Variants in NAV2 observed in about 807,000 individuals in gnomAD.
The protein encoded by NAV2 is neuron navigator 2.
A neutral mutation model predicts 223.2 loss-of-function variants in NAV2; 54 were observed. The observed-to-expected ratio is 0.24, with a 90% CI of 0.19 to 0.30. The LOEUF (loss-of-function observed/expected upper bound fraction) is 0.30. Ranked by LOEUF, NAV2 falls within the 10% of genes least tolerant of loss-of-function variation. The pLI is 1.00. For missense variants in NAV2, 2,806 were observed against 3,147.5 expected, an observed-to-expected ratio of 0.89 and a Z score of 2.60; for synonymous variants, 1,279 against 1,239.3, an observed-to-expected ratio of 1.03 and a Z score of -0.67.
intron 1 of NAV2, among the ~76,000 whole-genome samples, chr11:19,466,686 G>C (rs1852362613): frequency 6.6e-6 from 1 of 152,210 alleles, no homozygotes; most frequent in Non-Finnish European, 1.5e-5. Context: ...GATGAACCCA[G>C]AGGAGTCTGT....
At chr11:19,607,813 A>G (rs2046523196) in intron 1 of NAV2, among the ~76,000 whole-genome samples, 1 of 152,184 alleles carries the variant, frequency 6.6e-6, no homozygotes, top group Non-Finnish European at 1.5e-5. Context: ...GAAAAGGTAC[A>G]TCATGTCCTT....
chr11:20,037,969 G>T (rs550706917), intron 12 of NAV2, among the ~76,000 whole-genome samples: 6 of 152,034 alleles, frequency 3.9e-5, no homozygotes, highest in Non-Finnish European at 7.4e-5. Context: ...GCTATTAGAG[G>T]TACTGCAGAG....
intron 26 of NAV2, among the ~76,000 whole-genome samples, chr11:20,084,331 C>T (rs1030022528): frequency 3.3e-5 from 5 of 152,206 alleles, no homozygotes; most frequent in Non-Finnish European, 7.4e-5. Context: ...CTCCTGACCT[C>T]AGGTGATCCA....
chr11:19,449,591 G>A (rs1851714769), intron 1 of NAV2, among the ~76,000 whole-genome samples: 1 of 139,362 alleles, frequency 7.2e-6, no homozygotes, highest in Non-Finnish European at 1.6e-5. Flanking sequence ...TGAGAGCAAG[G>A]GAAGAATTCA....
intron 19 of NAV2, among the ~76,000 whole-genome samples, chr11:20,060,005 A>G (rs1185313381): frequency 6.6e-6 from 1 of 152,190 alleles, no homozygotes; most frequent in Non-Finnish European, 1.5e-5. Flanking sequence ...TCTCTTTGGA[A>G]CACAGCCTTG....
intron 1 of NAV2, among the ~76,000 whole-genome samples, chr11:19,719,645 C>T (rs566917306): frequency 1.3e-5 from 2 of 152,194 alleles, no homozygotes; most frequent in South Asian, 2.1e-4. Context: ...TCCAAGCTCA[C>T]GTTCTTTCCA....
At chr11:19,844,625 T>C (rs1399130738) in intron 3 of NAV2, among the ~76,000 whole-genome samples, 1 of 152,248 alleles carries the variant, frequency 6.6e-6, no homozygotes, top group African/African-American at 2.4e-5. Context: ...TTTTAGATTT[T>C]AGATTTTTAG....
intron 3 of NAV2, among the ~76,000 whole-genome samples, chr11:19,846,816 G>A (rs2060837500): frequency 6.6e-6 from 1 of 152,140 alleles, no homozygotes; most frequent in Non-Finnish European, 1.5e-5. Flanking sequence ...TAACCCAAAG[G>A]CAGAGAGGCA....
intron 6 of NAV2, among the ~76,000 whole-genome samples, chr11:19,895,885 C>G (rs1243276755): frequency 3.3e-5 from 5 of 152,066 alleles, no homozygotes; most frequent in African/African-American, 4.8e-5. Context: ...AGTGAAATAA[C>G]CACCCGGGTA....
intron 11 of NAV2, among the ~76,000 whole-genome samples, chr11:20,010,734 T>C (rs2153508574): frequency 6.6e-6 from 1 of 152,316 alleles, no homozygotes; most frequent in Non-Finnish European, 1.5e-5. Flanking sequence ...TGGTTATCTG[T>C]TTTATAGCAT....
intron 1 of NAV2, among the ~76,000 whole-genome samples, chr11:19,487,697 C>T (rs1466820976): frequency 6.6e-6 from 1 of 152,194 alleles, no homozygotes; most frequent in Non-Finnish European, 1.5e-5. Flanking sequence ...GGAACTGATT[C>T]ATGCCAACAA....
chr11:19,870,173 G>A (rs1029981245), intron 4 of NAV2, among the ~76,000 whole-genome samples: 1 of 152,170 alleles, frequency 6.6e-6, no homozygotes, highest in Non-Finnish European at 1.5e-5. Context: ...AATCCCAGAA[G>A]ATTCCCCAGC....
At chr11:19,687,474 C>G (rs1346432913) in intron 1 of NAV2, among the ~76,000 whole-genome samples, 34 of 152,214 alleles carry the variant, frequency 2.2e-4, no homozygotes. Flanking sequence ...CCATCCAGGT[C>G]AAGACATAGA....
chr11:19,347,889 G>T (rs1191637748), upstream of NAV2, among the ~76,000 whole-genome samples: 1 of 152,208 alleles, frequency 6.6e-6, no homozygotes, highest in Admixed American at 6.5e-5. Context: ...CTCTCTTGAA[G>T]TCCCCTCTGC....
At chr11:19,646,480 A>C (rs2047819521) in intron 1 of NAV2, among the ~76,000 whole-genome samples, 1 of 152,178 alleles carries the variant, frequency 6.6e-6, no homozygotes, top group African/African-American at 2.4e-5. Flanking sequence ...CTGGGCAGCC[A>C]CACATGGCTC....
At chr11:19,928,388 A>G (rs2044987125) in intron 6 of NAV2, among the ~76,000 whole-genome samples, 1 of 152,176 alleles carries the variant, frequency 6.6e-6, no homozygotes, top group Admixed American at 6.5e-5. Context: ...ACACAATCTC[A>G]TCCACTTCAG....
intron 1 of NAV2, among the ~76,000 whole-genome samples, chr11:19,727,983 C>T (rs986998077): frequency 1.3e-5 from 2 of 152,190 alleles, no homozygotes; most frequent in Admixed American, 1.3e-4. Context: ...ATTGAAACCA[C>T]CTGGAGGAAT....
chr11:19,397,419 G>GTGTGTGTGTGTGCA (rs1554919831), intron 1 of NAV2, among the ~76,000 whole-genome samples: 2 of 70,514 alleles, frequency 2.8e-5, no homozygotes, highest in Non-Finnish European at 5.8e-5. Context: ...GTGTGTGTGT[G>GTGTGTGTGTGTGCA]CGCGCATGTG....
At chr11:19,350,811 C>G in exon 1 of NAV2, 2 of 761,552 alleles carry the variant, frequency 2.6e-6, no homozygotes, top group East Asian at 5.4e-5. Context: ...GACAGGAAGA[C>G]CTTTGAAGAG....
Sources: gnomAD v4.1 joint callset for allele counts (sites outside exome capture counted in the v4.1 genomes callset) on GRCh38, gnomAD v4.1.1 for gene constraint, MANE v1.5 for transcripts, NCBI Gene and HGNC (gene_info 2026-07-23, HGNC 2026-07-21) for gene names.